The following C8orf34 variants were observed in gnomAD, a reference collection of about 807,000 sequenced individuals.
C8orf34 encodes uncharacterized protein C8orf34.
In C8orf34, 65 loss-of-function variants were observed where a neutral mutation model predicts 68.3. The ratio of observed to expected loss-of-function variants is 0.95; its 90% CI spans 0.78 to 1.17. The LOEUF (loss-of-function observed/expected upper bound fraction) is 1.17, where lower values mean the gene tolerates loss of function less well. Among genes scored for constraint, C8orf34 ranks in the 50% most tolerant of loss-of-function variants. The pLI, the probability that C8orf34 is intolerant of heterozygous loss-of-function variation, is 0.00. For synonymous variants in C8orf34, 244 were observed against 241.2 expected (o/e 1.01, Z -0.11); for missense variants, 664 against 655.4 (o/e 1.01, Z -0.14).
chr8:68,359,172 G>A (rs1226805216), intron 1 of C8orf34, among the ~76,000 whole-genome samples: 2 of 152,118 alleles, frequency 1.3e-5, no homozygotes, highest in Non-Finnish European at 2.9e-5. Context: ...TATTATTGCT[G>A]TGTAAAGTAT....
At chr8:68,550,919 C>G (rs536334814) in intron 7 of C8orf34, among the ~76,000 whole-genome samples, 5 of 151,302 alleles carry the variant, frequency 3.3e-5, no homozygotes, top group South Asian at 4.2e-4. Context: ...CTGCTTCCCC[C>G]CCTCTGGTTT....
chr8:68,533,039 A>C lies in C8orf34; in HGVS notation c.995A>C (p.Lys332Thr). 6.2e-7 allele frequency: 1 copy of C among 1,611,312 alleles called. No homozygotes were observed. The highest frequency in any genetic ancestry group is 2.2e-5 in the East Asian group (1 of 44,812). Residue 332 changes from lysine to threonine, a missense_variant, in exon 7 of 14, where the codon AAA (lysine) becomes ACA (threonine). Lys to Thr is a moderately conservative substitution (Grantham distance 78). Transcript: ENST00000518698. Reference sequence around the variant, plus strand: ...AAACAGCAGCAACAGCAACATAAGAAACTCCTGGCCGCAATGCTCTCTCAA... The same window carrying C: ...AAACAGCAGCAACAGCAACATAAGACACTCCTGGCCGCAATGCTCTCTCAA... ...GLKQQQQQHK[K>T]LLAAMLSQDS...
At chr8:68,539,995 T>C (rs1815640500) in intron 7 of C8orf34, among the ~76,000 whole-genome samples, 1 of 152,150 alleles carries the variant, frequency 6.6e-6, no homozygotes, top group African/African-American at 2.4e-5. Flanking sequence ...AAGAATATTA[T>C]AAACACATTT....
chr8:68,502,143 G>C (rs7840583), intron 5 of C8orf34, among the ~76,000 whole-genome samples: 3,129 of 152,190 alleles, frequency 0.021, 116 homozygotes, highest in African/African-American at 0.071. Flanking sequence ...TCAGCTCACT[G>C]TAACCTCCGC....
intron 10 of C8orf34, among the ~76,000 whole-genome samples, chr8:68,742,919 C>T (rs576244572): frequency 6.6e-6 from 1 of 152,142 alleles, no homozygotes; most frequent in Non-Finnish European, 1.5e-5. Flanking sequence ...TTCTTAGACC[C>T]CATTCCCTTC....
At chr8:68,761,125 T>G (rs770262877) in intron 10 of C8orf34, among the ~76,000 whole-genome samples, 40 of 152,238 alleles carry the variant, frequency 2.6e-4, no homozygotes, top group African/African-American at 9.6e-4. Flanking sequence ...TGAATACTTT[T>G]CCACCTTCTT....
At chr8:68,807,867 G>A (rs1824532438) in intron 12 of C8orf34, among the ~76,000 whole-genome samples, 1 of 152,244 alleles carries the variant, frequency 6.6e-6, no homozygotes, top group Non-Finnish European at 1.5e-5. Context: ...TTCCTTGAGA[G>A]GGCTGGTATA....
At chr8:68,527,779 G>A (rs1387002222) in intron 6 of C8orf34, among the ~76,000 whole-genome samples, 4 of 152,046 alleles carry the variant, frequency 2.6e-5, no homozygotes, top group African/African-American at 9.7e-5. Context: ...GGGAAAGAGG[G>A]GCCTCGGAAC....
chr8:68,487,916 T>C, intron 4 of C8orf34, 107 bp from the exon 5 acceptor site: 1 of 678,674 alleles, frequency 1.5e-6, no homozygotes, highest in Non-Finnish European at 2.5e-6. Context: ...AGAAAACAAA[T>C]AGAATAGGAA....
At chr8:68,710,723 G>A (rs1180093690) in intron 9 of C8orf34, among the ~76,000 whole-genome samples, 4 of 152,186 alleles carry the variant, frequency 2.6e-5, no homozygotes, top group Non-Finnish European at 5.9e-5. Flanking sequence ...AAAGGGCACA[G>A]TTTCTTGGGA....
chr8:68,641,782 C>T (rs1819018794), intron 8 of C8orf34, among the ~76,000 whole-genome samples: 1 of 152,092 alleles, frequency 6.6e-6, no homozygotes, highest in African/African-American at 2.4e-5. Flanking sequence ...TGTGAAAGGA[C>T]CAAGCACATT....
intron 1 of C8orf34, among the ~76,000 whole-genome samples, chr8:68,385,351 A>G (rs1275369368): frequency 2.0e-5 from 3 of 152,164 alleles, no homozygotes; most frequent in African/African-American, 4.8e-5. Flanking sequence ...CAATCCCCAC[A>G]CTATACTTGC....
chr8:68,568,872 CAT>C (rs1398392898), intron 7 of C8orf34, among the ~76,000 whole-genome samples: 2 of 151,986 alleles, frequency 1.3e-5, no homozygotes, highest in African/African-American at 4.8e-5. Flanking sequence ...CTTTGTGGGC[CAT>C]ACCGTCTCTC....
At chr8:68,415,663 G>A (rs1809634871) in intron 1 of C8orf34, among the ~76,000 whole-genome samples, 1 of 152,136 alleles carries the variant, frequency 6.6e-6, no homozygotes, top group Admixed American at 6.5e-5. Context: ...AGATTACTTA[G>A]CCATTCATAT....
intron 7 of C8orf34, among the ~76,000 whole-genome samples, chr8:68,547,935 G>A (rs1237125845): frequency 6.6e-6 from 1 of 151,712 alleles, no homozygotes; most frequent in Non-Finnish European, 1.5e-5. Context: ...AGCCACCAAG[G>A]CAATTTGATA....
At chr8:68,456,972 G>A (rs1447861350) in intron 3 of C8orf34, among the ~76,000 whole-genome samples, 3 of 152,158 alleles carry the variant, frequency 2.0e-5, no homozygotes, top group Non-Finnish European at 4.4e-5. Flanking sequence ...GAAAGACATT[G>A]TCTATCAATA....
intron 7 of C8orf34, among the ~76,000 whole-genome samples, chr8:68,575,936 C>T (rs1816888201): frequency 7.1e-6 from 1 of 140,338 alleles, no homozygotes; most frequent in African/African-American, 2.6e-5. Flanking sequence ...GATGAGCTGA[C>T]ATAATGCTAG....
intron 8 of C8orf34, among the ~76,000 whole-genome samples, chr8:68,662,040 A>G (rs1221951991): frequency 1.3e-5 from 2 of 152,142 alleles, no homozygotes; most frequent in Admixed American, 6.5e-5. Flanking sequence ...GAGTCCCGCA[A>G]AATATGAAAC....
intron 7 of C8orf34, among the ~76,000 whole-genome samples, chr8:68,606,674 T>C (rs180811208): frequency 6.6e-6 from 1 of 152,114 alleles, no homozygotes; most frequent in African/African-American, 2.4e-5. Context: ...TAATCTTTAC[T>C]ATTTTTTGGG....
Sources: gnomAD v4.1 joint callset for allele counts (sites outside exome capture counted in the v4.1 genomes callset) on GRCh38, gnomAD v4.1.1 for gene constraint, MANE v1.5 for transcripts, NCBI Gene and HGNC (gene_info 2026-07-23, HGNC 2026-07-21) for gene names.